Variants in CCDC169 observed in about 807,000 individuals in gnomAD.
CCDC169 encodes the protein coiled-coil domain containing 169, also known as coiled-coil domain-containing protein 169.
CCDC169 carries 30 observed loss-of-function variants against 36.0 expected under a neutral mutation model. The ratio of observed to expected loss-of-function variants is 0.83; its 90% CI spans 0.62 to 1.13. The LOEUF is 1.13. Among genes scored for constraint, CCDC169 ranks in the 50% most tolerant of loss-of-function variants. The pLI is 0.00. For synonymous variants in CCDC169, 85 were observed against 81.5 expected (o/e 1.04, Z -0.23); for missense variants, 245 against 245.9 (o/e 1.00, Z 0.03).
At chr13:36,273,041 CTG>C (rs1370750395) in intron 4 of CCDC169, among the ~76,000 whole-genome samples, 3 of 152,186 alleles carry the variant, frequency 2.0e-5, no homozygotes, top group Non-Finnish European at 4.4e-5. Flanking sequence ...TGCAGGCACT[CTG>C]TTGTTGTTTC....
intron 2 of CCDC169, among the ~76,000 whole-genome samples, chr13:36,290,382 G>T (rs1594092563): frequency 6.6e-6 from 1 of 152,208 alleles, no homozygotes; most frequent in East Asian, 1.9e-4. Flanking sequence ...TAAATGTTTA[G>T]CTACCTATAA....
chr13:36,277,711 G>A (rs1324447176), intron 4 of CCDC169, among the ~76,000 whole-genome samples: 3 of 152,124 alleles, frequency 2.0e-5, no homozygotes, highest in Non-Finnish European at 2.9e-5. Flanking sequence ...CCTGTAATGG[G>A]AGGCTGAGGC....
intron 2 of CCDC169, among the ~76,000 whole-genome samples, chr13:36,286,530 C>G (rs1194418295): frequency 6.6e-6 from 1 of 152,148 alleles, no homozygotes; most frequent in Non-Finnish European, 1.5e-5. Flanking sequence ...GTCTACACAG[C>G]CCCTTAACCA....
At position 36,254,054 on chromosome 13, in the gene CCDC169, T is replaced by G; in HGVS notation, c.405A>C (p.Gln135His). ...TAGAGTAAAAACAAACCTTTGATTC[T>G]TGTTCCAGTTTAAGTGCATAGTATT... Reference protein sequence around the residue: ...QVKYYALKLEQESKAYQKINN... With the variant: ...QVKYYALKLEHESKAYQKINN... The change falls in exon 5 of 8, where the codon CAA becomes CAC. Residue 135 changes from glutamine to histidine, a missense_variant. Coordinates refer to ENST00000239859, the MANE Select transcript of CCDC169 (RefSeq NM_001144981.3). 1 of 1,544,092 alleles carries G rather than the reference T, an allele frequency of 6.5e-7. No individual in the cohort carries two copies. The highest frequency in any genetic ancestry group is 8.7e-7 in the Non-Finnish European group (1 of 1,145,066).
At chr13:36,236,431 C>A (rs1345872577) in intron 7 of CCDC169, among the ~76,000 whole-genome samples, 1 of 151,852 alleles carries the variant, frequency 6.6e-6, no homozygotes, top group Non-Finnish European at 1.5e-5. Context: ...GGTGTTAGGA[C>A]AACTGAATAA....
intron 2 of CCDC169, among the ~76,000 whole-genome samples, chr13:36,294,888 G>T (rs894422952): frequency 1.3e-5 from 2 of 152,254 alleles, no homozygotes; most frequent in Middle Eastern, 3.4e-3. Flanking sequence ...AACCGATTAG[G>T]TTGGGGGTCA....
intron 7 of CCDC169, among the ~76,000 whole-genome samples, chr13:36,235,152 G>C (rs966438231): frequency 6.6e-6 from 1 of 151,928 alleles, no homozygotes; most frequent in Non-Finnish European, 1.5e-5. Context: ...ACCTAAAGTA[G>C]ATTGTTATAA....
intron 6 of CCDC169, among the ~76,000 whole-genome samples, chr13:36,252,803 C>T (rs1873335583): frequency 6.6e-6 from 1 of 152,144 alleles, no homozygotes; most frequent in African/African-American, 2.4e-5. Context: ...TCTTTGGACA[C>T]TTCCATTTGG....
intron 4 of CCDC169, among the ~76,000 whole-genome samples, chr13:36,277,899 C>T (rs1014636163): frequency 2.0e-5 from 3 of 149,770 alleles, no homozygotes; most frequent in African/African-American, 7.4e-5. Context: ...GACCCGAGAT[C>T]GTGCCATTGC....
chr13:36,238,549 T>C (rs1871353115), intron 7 of CCDC169, among the ~76,000 whole-genome samples: 1 of 152,192 alleles, frequency 6.6e-6, no homozygotes, highest in Admixed American at 6.5e-5. Context: ...AATGATTTCT[T>C]CTGGTGAAAT....
rs969555790 is a variant in CCDC169 at position 36,297,579 on chromosome 13, C to T, written c.83+58G>A. The T allele has an allele frequency of 2.3e-5, 35 of 1,499,942 alleles. No homozygotes were observed. The East Asian group carries it at 7.9e-4, about 34-fold the overall frequency. 92.9% of individuals were successfully genotyped at this position (1,499,942 alleles called of 1,614,324 possible). On this transcript the variant is annotated intron_variant, in intron 1 of 7. Coordinates refer to ENST00000239859, the MANE Select transcript of CCDC169 (RefSeq NM_001144981.3). ...CAGCGGCTTCAGCCCTGAGACTCTG[C>T]AGGTGAAGGCTCGGGGGGTGTGGAC...
At chr13:36,268,658 C>T (rs1024754501) in intron 4 of CCDC169, among the ~76,000 whole-genome samples, 3 of 151,864 alleles carry the variant, frequency 2.0e-5, no homozygotes. Context: ...CAAAAAAACC[C>T]CAAAAGATCA....
At chr13:36,296,058 A>AG (rs1314429031) in intron 1 of CCDC169, among the ~76,000 whole-genome samples, 2 of 152,134 alleles carry the variant, frequency 1.3e-5, no homozygotes, top group African/African-American at 4.8e-5. Context: ...TAAAGCTCAA[A>AG]GACCCCCAGG....
At chr13:36,228,683 C>G (rs1347633941), downstream of CCDC169, among the ~76,000 whole-genome samples, 1 of 152,022 alleles carries the variant, frequency 6.6e-6, no homozygotes, top group African/African-American at 2.4e-5. Flanking sequence ...CTTCTGAGTA[C>G]TAGGCTACAG....
At chr13:36,272,201 G>GTA in intron 4 of CCDC169, among the ~76,000 whole-genome samples, 1 of 148,966 alleles carries the variant, frequency 6.7e-6, no homozygotes, top group East Asian at 2.0e-4. Context: ...ATTCACCACT[G>GTA]TATAATTCAT....
chr13:36,252,410 C>T (rs1417749004), intron 6 of CCDC169, among the ~76,000 whole-genome samples: 1 of 152,118 alleles, frequency 6.6e-6, no homozygotes, highest in African/African-American at 2.4e-5. Context: ...TCTAAATGTC[C>T]CCCATTAGCT....
chr13:36,295,743 A>G (rs1279202805), intron 2 of CCDC169, 35 bp downstream of exon 2: 3 of 1,059,224 alleles, frequency 2.8e-6, no homozygotes, highest in Admixed American at 2.2e-5. Context: ...CAATAATTAT[A>G]CAGGAGTCAC....
chr13:36,231,032 T>C lies in CCDC169; in HGVS notation c.*161A>G, dbSNP rs1342192792. The C allele has an allele frequency of 5.7e-6, 8 of 1,407,260 alleles. No homozygotes were observed. The highest frequency in any genetic ancestry group is 3.0e-5 in the Admixed American group (1 of 33,692). The allele number at this position is 1,407,260 out of a possible 1,614,324, so 87.2% of individuals were successfully genotyped here. A position where few individuals can be genotyped will look rare whatever the true frequency, so the allele number is the denominator to read the frequency against. On this transcript the variant is annotated 3_prime_UTR_variant, in exon 8 of 8. Transcript: ENST00000239859. ...GGGTCACTGGAGAAAATTACTTTTA[T>C]GCAGACAAAGGAACACACGTCTGGA...
At position 36,237,057 on chromosome 13, in the gene CCDC169, TTTATTATTATTGTA is replaced by T. The variant is rs1288145816; in HGVS notation, c.546-5779_546-5766del. Among the ~76,000 whole-genome samples the T allele has an allele frequency of 5.9e-5, 8 of 135,010 alleles. 1 individual carries two copies. In the East Asian group the frequency reaches 1.1e-3, roughly 18 times the overall value. The allele number at this position is 135,010 out of a possible 152,430, so 88.6% of individuals were successfully genotyped here. A position where few individuals can be genotyped will look rare whatever the true frequency, so the allele number is the denominator to read the frequency against. ...TACTTTGTTGGGTTTTTAAAAATTA[TTTATTATTATTGTA>T]TTATTATTATTATTATTTTCCCCAA... On this transcript the variant is annotated intron_variant, in intron 7 of 7. Coordinates refer to ENST00000239859, the MANE Select transcript of CCDC169 (RefSeq NM_001144981.3).
Sources: allele counts gnomAD v4.1 joint callset (sites outside exome capture counted in the v4.1 genomes callset), GRCh38; gene constraint gnomAD v4.1.1; transcripts MANE v1.5; gene names NCBI Gene and HGNC (gene_info 2026-07-23, HGNC 2026-07-21).